Variants in LRRC4C observed in about 807,000 individuals in gnomAD.
The protein encoded by LRRC4C is leucine-rich repeat-containing protein 4C.
A neutral mutation model predicts 33.6 loss-of-function variants in LRRC4C; 5 were observed. The observed-to-expected ratio is 0.15, with a 90% CI of 0.08 to 0.31. LRRC4C has a LOEUF of 0.31. LRRC4C is among the 10% of genes least tolerant of loss of function. The pLI is 1.00. For synonymous variants in LRRC4C, 329 were observed against 302.0 expected (o/e 1.09, Z -0.93); for missense variants, 560 against 796.7 (o/e 0.70, Z 3.58).
rs74555906 is a variant in LRRC4C, at chr11:41,153,003, A to G, written c.-495-219280T>C. 6.8e-3 allele frequency among the ~76,000 whole-genome samples: 1,029 copies of G among 152,232 alleles called. 9 individuals are homozygous for G. Among genetic ancestry groups the G allele is most frequent in the African/African-American group, 0.023 (940 of 41,536 alleles). On this transcript the variant is annotated intron_variant, in intron 1 of 6. Transcript: ENST00000528697. Reference sequence around the variant, plus strand: ...TTTGCCATGAGCTTCTCATGTCTATATGTTTGCCTTAGTCTCCTACCACCA... The same window carrying G: ...TTTGCCATGAGCTTCTCATGTCTATGTGTTTGCCTTAGTCTCCTACCACCA...
intron 3 of LRRC4C, among the ~76,000 whole-genome samples, chr11:40,519,943 A>G (rs1184694882): frequency 6.6e-6 from 1 of 152,224 alleles, no homozygotes; most frequent in Non-Finnish European, 1.5e-5. Flanking sequence ...ACAAAACAGC[A>G]TTCTATTGGC....
intron 1 of LRRC4C, among the ~76,000 whole-genome samples, chr11:41,106,844 T>G (rs1482725092): frequency 6.6e-6 from 1 of 151,770 alleles, no homozygotes; most frequent in Non-Finnish European, 1.5e-5. Context: ...GGCGAGACCC[T>G]ACTTCTACAA....
chr11:40,574,337 C>T (rs931955983), intron 3 of LRRC4C, among the ~76,000 whole-genome samples: 1 of 152,122 alleles, frequency 6.6e-6, no homozygotes, highest in African/African-American at 2.4e-5. Flanking sequence ...ACAGAACAGA[C>T]CTTGAAGCCC....
Position 41,417,652 on chromosome 11 carries a change from G to A in LRRC4C, c.-496+41779C>T, listed in dbSNP as rs1357668759. On this transcript the variant is annotated intron_variant, in intron 1 of 6. Transcript: ENST00000528697. ...TCAGCCCAGCCCTTAAAGGTTTCCA[G>A]CTTTTTCAAATGGAATATATTGTTT... Among the ~76,000 whole-genome samples the A allele has an allele frequency of 3.3e-5, 5 of 151,830 alleles. No homozygotes were observed. In the East Asian group the frequency reaches 9.7e-4, roughly 29 times the overall value.
At chr11:40,399,604 A>G (rs1949682260) in intron 3 of LRRC4C, among the ~76,000 whole-genome samples, 1 of 152,008 alleles carries the variant, frequency 6.6e-6, no homozygotes. Context: ...TAATGGGTGC[A>G]GCACACCAGC....
intron 1 of LRRC4C, among the ~76,000 whole-genome samples, chr11:41,043,230 G>A (rs1019586316): frequency 6.6e-6 from 1 of 151,978 alleles, no homozygotes; most frequent in African/African-American, 2.4e-5. Context: ...CAAATGGGCA[G>A]ATCATAGATA....
rs189310388 is a variant in LRRC4C at position 40,823,566 on chromosome 11, A to G, written c.-407+110069T>C. Among the ~76,000 whole-genome samples, 1,111 of 151,940 alleles carry G rather than the reference A, an allele frequency of 7.3e-3. 44 individuals carry two copies. The highest frequency in any genetic ancestry group is 0.065 in the Admixed American group (992 of 15,192). On this transcript the variant is annotated intron_variant, in intron 2 of 6. Coordinates refer to ENST00000528697, the MANE Select transcript of LRRC4C (RefSeq NM_001258419.2). The stretch of plus-strand genomic sequence containing the variant: ...TTTGAATAGACATTTGACAAAGAAG[A>G]TATATGAATAGCTAATTGGCACATG...
chr11:40,246,064 C>T (rs1258783404), intron 4 of LRRC4C, among the ~76,000 whole-genome samples: 1 of 150,988 alleles, frequency 6.6e-6, no homozygotes, highest in Non-Finnish European at 1.5e-5. Context: ...ACCTCTGCCT[C>T]CTGGGTTCAA....
At chr11:41,311,990 T>C (rs1331422612) in intron 1 of LRRC4C, among the ~76,000 whole-genome samples, 2 of 152,212 alleles carry the variant, frequency 1.3e-5, no homozygotes, top group African/African-American at 4.8e-5. Flanking sequence ...CAGGCATCCA[T>C]TGAGATAGCA....
intron 3 of LRRC4C, among the ~76,000 whole-genome samples, chr11:40,389,422 T>G (rs1949248202): frequency 6.6e-6 from 1 of 152,160 alleles, no homozygotes; most frequent in South Asian, 2.1e-4. Context: ...GCAAAAAAGT[T>G]TCTTTTGTTA....
At chr11:40,370,751 G>A (rs760674699) in intron 3 of LRRC4C, among the ~76,000 whole-genome samples, 8 of 152,094 alleles carry the variant, frequency 5.3e-5, no homozygotes, top group Non-Finnish European at 7.4e-5. Context: ...TTAAAAGAAA[G>A]CAACGAAGCT....
chr11:41,277,976 A>G (rs1311897900), intron 1 of LRRC4C, among the ~76,000 whole-genome samples: 1 of 152,028 alleles, frequency 6.6e-6, no homozygotes, highest in Non-Finnish European at 1.5e-5. Context: ...TGTGGAATCT[A>G]AAATAGTTGA....
chr11:40,983,813 G>A (rs1026049202), intron 1 of LRRC4C, among the ~76,000 whole-genome samples: 1 of 152,134 alleles, frequency 6.6e-6, no homozygotes, highest in Non-Finnish European at 1.5e-5. Context: ...ACACCATTCA[G>A]AATAGATATT....
chr11:40,300,720 G>T (rs1944733679), intron 4 of LRRC4C, among the ~76,000 whole-genome samples: 1 of 152,198 alleles, frequency 6.6e-6, no homozygotes. Context: ...CTAATACAAT[G>T]CCTACACATC....
At chr11:40,444,669 G>C (rs1455961529) in intron 3 of LRRC4C, among the ~76,000 whole-genome samples, 1 of 152,042 alleles carries the variant, frequency 6.6e-6, no homozygotes, top group Non-Finnish European at 1.5e-5. Flanking sequence ...GCCTGATCTG[G>C]CATTTCCAAT....
intron 1 of LRRC4C, among the ~76,000 whole-genome samples, chr11:41,132,948 A>G (rs543133834): frequency 8.7e-4 from 133 of 152,296 alleles, no homozygotes; most frequent in Non-Finnish European, 1.5e-3. Context: ...CTTCTAATCC[A>G]AAGATAATAT....
At chr11:40,164,472 G>C (rs1361765515) in intron 5 of LRRC4C, among the ~76,000 whole-genome samples, 1 of 152,054 alleles carries the variant, frequency 6.6e-6, no homozygotes, top group African/African-American at 2.4e-5. Flanking sequence ...CCTGACCTCA[G>C]GTGATCTGCC....
chr11:40,615,839 T>G (rs2135919183), intron 3 of LRRC4C, among the ~76,000 whole-genome samples: 1 of 151,918 alleles, frequency 6.6e-6, no homozygotes, highest in South Asian at 2.1e-4. Flanking sequence ...GTTTTGTTTG[T>G]TACAGTGAAT....
intron 3 of LRRC4C, among the ~76,000 whole-genome samples, chr11:40,349,264 A>G (rs1185622316): frequency 6.6e-6 from 1 of 152,040 alleles, no homozygotes. Flanking sequence ...CTCTATCTCC[A>G]TGAGTTCAAT....
Sources: gnomAD v4.1 joint callset for allele counts (sites outside exome capture counted in the v4.1 genomes callset) on GRCh38, gnomAD v4.1.1 for gene constraint, MANE v1.5 for transcripts, NCBI Gene and HGNC (gene_info 2026-07-23, HGNC 2026-07-21) for gene names.